RBFOX1: variants seen among roughly 807,000 people sequenced by gnomAD.
The protein encoded by RBFOX1 is RNA binding fox-1 homolog 1, also known as RNA binding protein fox-1 homolog 1.
In RBFOX1, 8 loss-of-function variants were observed where a neutral mutation model predicts 57.7. That is an observed-to-expected ratio of 0.14 (90% CI 0.08 to 0.25). The LOEUF is 0.25. Among genes scored for constraint, RBFOX1 ranks in the 10% least tolerant of loss-of-function variants. The pLI is 1.00. For missense variants in RBFOX1, 611 were observed against 548.5 expected (o/e 1.11, Z -1.14); for synonymous variants, 326 against 222.4 (o/e 1.47, Z -4.15).
intron 4 of RBFOX1, among the ~76,000 whole-genome samples, chr16:7,387,319 GA>G (rs1269103893): frequency 1.6e-4 from 24 of 152,188 alleles, no homozygotes; most frequent in African/African-American, 5.8e-4. Context: ...TTATAGATAA[GA>G]AAACTGAGAC....
chr16:6,936,593 A>G (rs1413871534), intron 3 of RBFOX1, among the ~76,000 whole-genome samples: 2 of 152,164 alleles, frequency 1.3e-5, no homozygotes, highest in Admixed American at 6.5e-5. Flanking sequence ...ATGCCAGCCT[A>G]AGCACTTGAC....
rs1302183624 is a variant in RBFOX1, at chr16:7,665,060, TG to T, written c.930+93del. 4.5e-5 allele frequency: 72 copies of T among 1,610,190 alleles called. No homozygotes were observed. The East Asian group carries it at 1.6e-3, about 35-fold the overall frequency. On this transcript the variant is annotated intron_variant, in intron 13 of 15. Coordinates refer to ENST00000550418, the MANE Select transcript of RBFOX1 (RefSeq NM_018723.4). Reference sequence around the variant, plus strand: ...TGTGAATTTCTCTACTTGGCGTAGTTGAGTTTCTCTCCTTGGTCTGTAGGAA... The same window carrying T: ...TGTGAATTTCTCTACTTGGCGTAGTTAGTTTCTCTCCTTGGTCTGTAGGAA...
At chr16:6,747,988 A>G (rs544144049) in intron 3 of RBFOX1, among the ~76,000 whole-genome samples, 1 of 152,290 alleles carries the variant, frequency 6.6e-6, no homozygotes, top group African/African-American at 2.4e-5. Context: ...AAATGCACCT[A>G]TTATACAAGA....
intron 3 of RBFOX1, among the ~76,000 whole-genome samples, chr16:6,979,405 CTAAAT>C (rs2088035506): frequency 6.6e-6 from 1 of 152,118 alleles, no homozygotes; most frequent in Non-Finnish European, 1.5e-5. Flanking sequence ...GATAGACCCA[CTAAAT>C]TAAAGTTGAA....
intron 1 of RBFOX1, among the ~76,000 whole-genome samples, chr16:5,350,131 G>A (rs2065230807): frequency 6.6e-6 from 1 of 152,114 alleles, no homozygotes; most frequent in Non-Finnish European, 1.5e-5. Flanking sequence ...AGGGGGTTTC[G>A]GTTCCCTGCA....
At chr16:6,859,141 GTATATATATATGTA>G (rs1567592496) in intron 3 of RBFOX1, among the ~76,000 whole-genome samples, 2 of 98,250 alleles carry the variant, frequency 2.0e-5, no homozygotes, top group Admixed American at 2.1e-4. Context: ...ATATATATAC[GTATATATATATGTA>G]TATATATACG....
At chr16:6,524,802 A>G (rs1224717878) in intron 2 of RBFOX1, among the ~76,000 whole-genome samples, 1 of 151,806 alleles carries the variant, frequency 6.6e-6, no homozygotes, top group Admixed American at 6.6e-5. Flanking sequence ...TCATTGCCCC[A>G]CCTTCTTCCT....
chr16:5,467,931 T>G (rs1301346844), intron 2 of RBFOX1, among the ~76,000 whole-genome samples: 1 of 152,210 alleles, frequency 6.6e-6, no homozygotes, highest in African/African-American at 2.4e-5. Flanking sequence ...ATATGTAAAT[T>G]TCCTGTGTAA....
chr16:6,341,240 C>G (rs979961758), intron 2 of RBFOX1, among the ~76,000 whole-genome samples: 5 of 151,990 alleles, frequency 3.3e-5, no homozygotes, highest in South Asian at 2.1e-4. Flanking sequence ...TTTTTTTGGC[C>G]ACTAGAGGCT....
chr16:6,962,034 A>G (rs1198498683), intron 3 of RBFOX1, among the ~76,000 whole-genome samples: 5 of 152,140 alleles, frequency 3.3e-5, no homozygotes, highest in Non-Finnish European at 1.5e-5. Flanking sequence ...CCCCTATTCA[A>G]GATGGAGTTG....
In RBFOX1 at chr16:6,700,501, A is replaced by T. The variant is rs571332137; in HGVS notation, c.-16+45851A>T. Among the ~76,000 whole-genome samples the T allele has an allele frequency of 2.6e-5, 4 of 152,148 alleles. No individual in the cohort carries two copies. The South Asian group carries it at 8.3e-4, about 32-fold the overall frequency. ...GGTGAAACCCTGTCTCTACTAAAAT[A>T]CAAAAAATCAGCTGGGTGAGGTGGT... On this transcript the variant is annotated intron_variant, in intron 3 of 15. Transcript: ENST00000550418.
At chr16:6,623,233 G>A (rs536847564) in intron 2 of RBFOX1, among the ~76,000 whole-genome samples, 1 of 152,200 alleles carries the variant, frequency 6.6e-6, no homozygotes, top group South Asian at 2.1e-4. Context: ...GATTATCTGG[G>A]AGGGGGCTGC....
intron 4 of RBFOX1, among the ~76,000 whole-genome samples, chr16:7,411,840 T>C (rs936430684): frequency 3.4e-5 from 5 of 148,330 alleles, no homozygotes; most frequent in African/African-American, 1.3e-4. Flanking sequence ...GAAGCAGTGG[T>C]TGTGGTGAGC....
At chr16:6,487,700 AATATATATATATATAT>A (rs1277585706) in intron 2 of RBFOX1, among the ~76,000 whole-genome samples, 183 of 16,170 alleles carry the variant, frequency 0.011, 1 homozygote, top group African/African-American at 0.016. Context: ...AAAAAAAAAA[AATATATATATATATAT>A]ATATATATAT....
chr16:5,713,391 G>C (rs1468363296), intron 3 of RBFOX1, among the ~76,000 whole-genome samples: 1 of 152,174 alleles, frequency 6.6e-6, no homozygotes, highest in Non-Finnish European at 1.5e-5. Context: ...CTTGCCATTT[G>C]AACCATAGAG....
intron 4 of RBFOX1, among the ~76,000 whole-genome samples, chr16:7,322,271 G>A (rs1259243295): frequency 6.6e-6 from 1 of 152,170 alleles, no homozygotes; most frequent in Non-Finnish European, 1.5e-5. Flanking sequence ...TACAATATGG[G>A]GTGCCTTAGC....
chr16:6,027,606 G>T (rs1400666375), intron 1 of RBFOX1, among the ~76,000 whole-genome samples: 1 of 152,186 alleles, frequency 6.6e-6, no homozygotes, highest in Non-Finnish European at 1.5e-5. Context: ...AATTATTTTA[G>T]CAAAGTGCCT....
intron 4 of RBFOX1, among the ~76,000 whole-genome samples, chr16:7,507,192 C>T (rs930308026): frequency 1.3e-5 from 2 of 152,166 alleles, no homozygotes; most frequent in Non-Finnish European, 2.9e-5. Context: ...CTAGAAATTA[C>T]CTGGCCTATC....
chr16:5,572,536 T>C (rs1359353327), intron 2 of RBFOX1, among the ~76,000 whole-genome samples: 3 of 152,162 alleles, frequency 2.0e-5, no homozygotes, highest in African/African-American at 4.8e-5. Flanking sequence ...TCCCCAGTCA[T>C]GACAACCAGA....
Sources: gnomAD v4.1 joint callset for allele counts (sites outside exome capture counted in the v4.1 genomes callset) on GRCh38, gnomAD v4.1.1 for gene constraint, MANE v1.5 for transcripts, NCBI Gene and HGNC (gene_info 2026-07-23, HGNC 2026-07-21) for gene names.